UPF2: variants seen among roughly 807,000 people sequenced by gnomAD.
UPF2 encodes the protein regulator of nonsense transcripts 2.
In UPF2, 17 loss-of-function variants were observed where a neutral mutation model predicts 141.4. The observed-to-expected ratio is 0.12, with a 90% confidence interval of 0.08 to 0.18. UPF2 has a LOEUF of 0.18. UPF2 is among the 10% of genes least tolerant of loss of function. The pLI is 1.00. For missense variants in UPF2, 1,152 were observed against 1,515.9 expected, an observed-to-expected ratio of 0.76 and a Z score of 3.99; for synonymous variants, 540 against 498.0, an observed-to-expected ratio of 1.08 and a Z score of -1.12.
rs577872529 is a variant in UPF2, at chr10:11,978,617, C to T, written c.1953+440G>A. Among the ~76,000 whole-genome samples, 7 of 152,298 alleles carry T rather than the reference C, an allele frequency of 4.6e-5. No homozygotes were observed. The South Asian group carries it at 8.3e-4, about 18-fold the overall frequency. On this transcript the variant is annotated intron_variant, in intron 9 of 21. Transcript: ENST00000357604. ...AAAATCAAAGAAACACAGGCTATGG[C>T]AGCACTTGCTAGTATCAGAGTATTG...
intron 4 of UPF2, among the ~76,000 whole-genome samples, chr10:12,005,104 G>C (rs1173337365): frequency 1.2e-5 from 1 of 81,588 alleles, no homozygotes; most frequent in Non-Finnish European, 2.6e-5. Context: ...CCTCCCCCAT[G>C]AGTATTTTTT....
chr10:11,948,874 G>C (rs947841675), intron 15 of UPF2, among the ~76,000 whole-genome samples: 1 of 152,046 alleles, frequency 6.6e-6, no homozygotes, highest in Non-Finnish European at 1.5e-5. Context: ...TACAGCGTTG[G>C]CCACACTCTT....
At chr10:12,001,867 T>C (rs1233375154) in intron 5 of UPF2, 42 bp from the exon 6 acceptor site, 1 of 1,514,050 alleles carries the variant, frequency 6.6e-7, no homozygotes. Context: ...CAAAGTCATA[T>C]GAAAATCCTG....
chr10:11,959,947 CTTCT>C lies in UPF2; in HGVS notation c.2185-595_2185-592del, dbSNP rs915716910. ...CTAGAGAACTTTACTACCAAGGTAACTTCTTTCATAACTTTGTGTCTAGGGTTGC... is the reference window on the plus strand; with the variant it reads ...CTAGAGAACTTTACTACCAAGGTAACTTCATAACTTTGTGTCTAGGGTTGC... On this transcript the variant is annotated intron_variant, in intron 11 of 21. Transcript: ENST00000357604. This position sits in a 1 kb window ranked among gnomAD's most constrained non-coding sequence, Gnocchi z 5.9. Among the ~76,000 whole-genome samples, 5 of 152,204 alleles carry C rather than the reference CTTCT, an allele frequency of 3.3e-5. No individual in the cohort carries two copies. The highest frequency in any genetic ancestry group is 1.2e-4 in the African/African-American group (5 of 41,446).
chr10:11,999,587 C>G (rs1256373448), intron 7 of UPF2, among the ~76,000 whole-genome samples: 2 of 150,310 alleles, frequency 1.3e-5, no homozygotes, highest in Non-Finnish European at 3.0e-5. Context: ...TTTGACCTCA[C>G]AGAACCCCAG....
intron 14 of UPF2, among the ~76,000 whole-genome samples, chr10:11,952,942 T>G (rs1050501077): frequency 3.3e-5 from 5 of 152,226 alleles, no homozygotes; most frequent in African/African-American, 1.2e-4. Flanking sequence ...TGTTCATTAT[T>G]TTCTCTGTGC....
At chr10:11,958,897 C>T (rs1035022843) in intron 12 of UPF2, among the ~76,000 whole-genome samples, 1 of 151,786 alleles carries the variant, frequency 6.6e-6, no homozygotes, top group Non-Finnish European at 1.5e-5. Flanking sequence ...TTATGGAATA[C>T]CAGAGAGAAA....
chr10:11,984,270 A>G (rs1833649325), intron 8 of UPF2, among the ~76,000 whole-genome samples: 1 of 152,176 alleles, frequency 6.6e-6, no homozygotes, highest in Non-Finnish European at 1.5e-5. Context: ...CTATGTGGGT[A>G]TTTTATCTTG....
chr10:11,934,411 G>A (rs1391212237), intron 19 of UPF2, among the ~76,000 whole-genome samples: 1 of 152,158 alleles, frequency 6.6e-6, no homozygotes, highest in Non-Finnish European at 1.5e-5. Context: ...AGGAGGGGAG[G>A]GGTGTGGCTC....
intron 21 of UPF2, among the ~76,000 whole-genome samples, chr10:11,926,848 G>A (rs1832719134): frequency 6.6e-6 from 1 of 152,226 alleles, no homozygotes; most frequent in Non-Finnish European, 1.5e-5. Context: ...GAATTGGAGG[G>A]AGGAAGGGAA....
intron 18 of UPF2, among the ~76,000 whole-genome samples, chr10:11,942,216 T>C (rs1832944664): frequency 6.6e-6 from 1 of 151,924 alleles, no homozygotes; most frequent in Non-Finnish European, 1.5e-5. Flanking sequence ...TCTACTAAAA[T>C]ACAAAAATTA....
intron 3 of UPF2, among the ~76,000 whole-genome samples, chr10:12,028,076 C>T (rs1834451631): frequency 6.6e-6 from 1 of 152,140 alleles, no homozygotes; most frequent in Non-Finnish European, 1.5e-5. Context: ...TCCTCAGGTA[C>T]AAATACTACA....
chr10:12,039,660 C>T (rs1412916971), intron 1 of UPF2, among the ~76,000 whole-genome samples: 2 of 145,302 alleles, frequency 1.4e-5, no homozygotes, highest in African/African-American at 5.1e-5. Context: ...CTCACTCTGT[C>T]GCCAGGCTGG....
chr10:11,997,647 T>C (rs1284151572), intron 8 of UPF2, 25 bp downstream of exon 8: 1 of 1,606,234 alleles, frequency 6.2e-7, no homozygotes. Flanking sequence ...AAAACACTAA[T>C]AAATTTCTCT....
intron 19 of UPF2, among the ~76,000 whole-genome samples, chr10:11,932,265 CCTT>C (rs1832791817): frequency 6.6e-6 from 1 of 151,982 alleles, no homozygotes; most frequent in South Asian, 2.1e-4. Context: ...CATTTTTCCC[CCTT>C]TTTAGGTTCC....
At position 11,938,842 on chromosome 10, in the gene UPF2, GTTTTTTTTTTGTTTTTTT is replaced by G. The variant is rs1430029652; in HGVS notation, c.3379-2148_3379-2131del. ...GTCCTAGCCATGTGGTCTTAAGCAAGTTTTTTTTTTGTTTTTTTTTTTTTTTTTTTTTTTTTTTTTGGA... is the reference window on the plus strand; with the variant it reads ...GTCCTAGCCATGTGGTCTTAAGCAAGTTTTTTTTTTTTTTTTTTTTTTGGA... On this transcript the variant is annotated intron_variant, in intron 18 of 21. Coordinates refer to ENST00000357604, the MANE Select transcript of UPF2 (RefSeq NM_015542.4). Among the ~76,000 whole-genome samples the G allele has an allele frequency of 2.6e-4, 12 of 45,862 alleles. 1 individual carries two copies. Among genetic ancestry groups the G allele is most frequent in the African/African-American group, 4.9e-4 (7 of 14,224 alleles). 30.1% of individuals were successfully genotyped at this position (45,862 alleles called of 152,430 possible).
At position 11,942,689 on chromosome 10, in the gene UPF2, A is replaced by C; in HGVS notation, c.3354T>G (p.Asp1118Glu). ...CCTGTAGATTTTCTAGCATCATTTT[A>C]TCCAGAGCTTGAATGAAGTCCTCAT... is the stretch of plus-strand genomic sequence containing the variant. ...VEDEDFIQAL[D>E]KMMLENLQQR... Residue 1118 changes from aspartate (D) to glutamate (E), a missense_variant, in exon 18 of 22, where the codon GAT (aspartate) becomes GAG (glutamate). By Grantham distance (45) the Asp-to-Glu change is conservative. Around this residue, in one of 4 missense-constraint regions of UPF2, gnomAD observed 202 missense variants for 223.6 expected, o/e 0.90. Transcript: ENST00000357604. 6.2e-7 allele frequency: 1 copy of C among 1,614,014 alleles called. No homozygotes were observed. Among genetic ancestry groups the C allele is most frequent in the Middle Eastern group, 1.7e-4 (1 of 6,056 alleles).
intron 1 of UPF2, among the ~76,000 whole-genome samples, chr10:12,036,281 T>C (rs532403290): frequency 2.0e-5 from 3 of 152,318 alleles, no homozygotes; most frequent in Non-Finnish European, 2.9e-5. Context: ...TGCATACAAG[T>C]AGCTCCTCCC....
At chr10:12,021,580 A>G (rs1422168370) in intron 3 of UPF2, among the ~76,000 whole-genome samples, 1 of 152,124 alleles carries the variant, frequency 6.6e-6, no homozygotes, top group African/African-American at 2.4e-5. Context: ...TTTTCATGAG[A>G]AAAAAAGTGC....
Sources: gnomAD v4.1 joint callset for allele counts (sites outside exome capture counted in the v4.1 genomes callset) on GRCh38, gnomAD v4.1.1 for gene constraint, gnomAD v4.1.1 regional missense constraint, Gnocchi (gnomAD v3.1) non-coding constraint, MANE v1.5 for transcripts, NCBI Gene and HGNC (gene_info 2026-07-23, HGNC 2026-07-21) for gene names.